The following MAPRE1 variants were observed in gnomAD, a reference collection of about 807,000 sequenced individuals.
MAPRE1 encodes the protein microtubule-associated protein RP/EB family member 1.
MAPRE1 carries 5 observed loss-of-function variants against 32.1 expected under a neutral mutation model. The observed-to-expected ratio is 0.16, with a 90% CI of 0.08 to 0.33. The LOEUF is 0.33. Among genes scored for constraint, MAPRE1 ranks in the 10% least tolerant of loss-of-function variants. MAPRE1 has a pLI of 1.00. For synonymous variants in MAPRE1, 122 were observed against 118.9 expected, an observed-to-expected ratio of 1.03 and a Z score of -0.17; for missense variants, 209 against 327.2, an observed-to-expected ratio of 0.64 and a Z score of 2.79.
chr20:32,836,355 T>C (rs1421219156), intron 3 of MAPRE1, among the ~76,000 whole-genome samples: 1 of 152,230 alleles, frequency 6.6e-6, no homozygotes, highest in Non-Finnish European at 1.5e-5. Flanking sequence ...ACGATGTGCT[T>C]GGATGGATGT....
chr20:32,819,911 C>A (rs1419281085), upstream of MAPRE1: 2 of 136,846 alleles, frequency 1.5e-5, no homozygotes, highest in Admixed American at 7.1e-5. Context: ...CGGCGCGTAA[C>A]GAGGGGGTGC....
At chr20:32,839,573 G>T (rs1054634019) in intron 4 of MAPRE1, among the ~76,000 whole-genome samples, 162 bp from the exon 5 acceptor site, 1 of 152,198 alleles carries the variant, frequency 6.6e-6, no homozygotes, top group Non-Finnish European at 1.5e-5. Context: ...GTAGGCAAAT[G>T]TGGGAGCGTT....
intron 6 of MAPRE1, among the ~76,000 whole-genome samples, chr20:32,848,090 G>A (rs1983553983): frequency 6.6e-6 from 1 of 151,940 alleles, no homozygotes; most frequent in African/African-American, 2.4e-5. Flanking sequence ...TATTGCCCAG[G>A]CTGGAGTGCC....
Position 32,848,213 on chromosome 20 carries a change from G to GT in MAPRE1, c.751-446dup, listed in dbSNP as rs796134951. ...AGGCATGTCCCACCAGGCTTGGCTA[G>GT]TTTTTTTTTTTTTCGAGACATTGTC... On this transcript the variant is annotated intron_variant, in intron 6 of 6. Transcript: ENST00000375571. 9.9e-3 allele frequency among the ~76,000 whole-genome samples: 1,428 copies of GT among 143,566 alleles called. 15 individuals are homozygous for GT. The highest frequency in any genetic ancestry group is 0.025 in the African/African-American group (985 of 39,522). The allele number at this position is 143,566 out of a possible 152,430, so 94.2% of individuals were successfully genotyped here.
intron 4 of MAPRE1, among the ~76,000 whole-genome samples, chr20:32,838,685 T>G (rs1983268122): frequency 6.6e-6 from 1 of 152,222 alleles, no homozygotes; most frequent in African/African-American, 2.4e-5. Context: ...AATGGGAAAC[T>G]ACATAGATAA....
At chr20:32,847,203 G>A (rs761022259) in intron 6 of MAPRE1, among the ~76,000 whole-genome samples, 1 of 152,312 alleles carries the variant, frequency 6.6e-6, no homozygotes. Flanking sequence ...TCATGTCTGG[G>A]TATGCCTTTC....
In MAPRE1 at chr20:32,846,764, C is replaced by T. The variant is rs1265637734; in HGVS notation, c.744C>T (p.Ala248=). 6.8e-6 allele frequency: 11 copies of T among 1,614,058 alleles called. No individual in the cohort carries two copies. The highest frequency in any genetic ancestry group is 1.3e-5 in the African/African-American group (1 of 75,032). The change falls in exon 6 of 7, where the codon GCC becomes GCT. Residue 248 remains alanine (A), a synonymous_variant. Coordinates refer to ENST00000375571, the MANE Select transcript of MAPRE1 (RefSeq NM_012325.3). ...VLQRIVDILY[A]TDEGFVIPDE... is the part of the protein sequence containing the mutation. ...AGAGGATTGTAGACATTCTGTATGC[C>T]ACAGATGTATGTGTTTGACATGAGG...
chr20:32,839,608 C>A, intron 4 of MAPRE1, 127 bp from the exon 5 acceptor site: 1 of 1,309,686 alleles, frequency 7.6e-7, no homozygotes, highest in Non-Finnish European at 1.1e-6. Context: ...GGCTCTCTAG[C>A]ATTGGTTCCC....
intron 1 of MAPRE1, among the ~76,000 whole-genome samples, chr20:32,822,553 C>T (rs995540511): frequency 1.3e-5 from 2 of 152,208 alleles, no homozygotes; most frequent in Admixed American, 6.5e-5. Context: ...CCCTACCCTA[C>T]ATCTTGTTTG....
At chr20:32,842,390 TA>T (rs1233739104) in intron 5 of MAPRE1, among the ~76,000 whole-genome samples, 3 of 152,178 alleles carry the variant, frequency 2.0e-5, no homozygotes, top group African/African-American at 7.2e-5. Context: ...CAGCCATAGC[TA>T]ACATTTTAAA....
rs1169734704 is a variant in MAPRE1, at chr20:32,848,791, A to G, written c.*63A>G. The G allele has an allele frequency of 1.4e-6, 2 of 1,432,660 alleles. No individual in the cohort carries two copies. Among genetic ancestry groups the G allele is most frequent in the East Asian group, 2.3e-5 (1 of 43,046 alleles). 88.7% of individuals were successfully genotyped at this position (1,432,660 alleles called of 1,614,324 possible). Reference sequence around the variant, plus strand: ...TCCAAATCATGTGCTTAACTGTAAAATACTCCCTTTTGTTATCCTTAGAGG... The same window carrying G: ...TCCAAATCATGTGCTTAACTGTAAAGTACTCCCTTTTGTTATCCTTAGAGG... On this transcript the variant is annotated 3_prime_UTR_variant, in exon 7 of 7. Transcript: ENST00000375571.
At chr20:32,835,541 C>G (rs1796471767) in intron 3 of MAPRE1, among the ~76,000 whole-genome samples, 1 of 151,802 alleles carries the variant, frequency 6.6e-6, no homozygotes, top group Non-Finnish European at 1.5e-5. Context: ...AAAAATTTAT[C>G]CTGAGACTGA....
intron 6 of MAPRE1, 70 bp downstream of exon 6, chr20:32,846,840 C>A: frequency 6.7e-7 from 1 of 1,496,000 alleles, no homozygotes; most frequent in Non-Finnish European, 9.3e-7. Context: ...TGTGCTGATG[C>A]TTGTTGTATT....
chr20:32,833,754 T>G lies in MAPRE1; in HGVS notation c.159T>G (p.Pro53=). ...GTCAGTTTATGGACATGCTGTTCCC[T>G]GGCTCCATTGCCTTGAAGAAAGTGA... ...AYCQFMDMLF[P]GSIALKKVKF... Residue 53 remains proline (P), a synonymous_variant, in exon 3 of 7, where the codon CCT becomes CCG. Coordinates refer to ENST00000375571, the MANE Select transcript of MAPRE1 (RefSeq NM_012325.3). 7 of 1,614,034 alleles carry G rather than the reference T, an allele frequency of 4.3e-6. No individual in the cohort carries two copies. The highest frequency in any genetic ancestry group is 5.9e-6 in the Non-Finnish European group (7 of 1,179,988).
chr20:32,820,705 A>G (rs1018385377), intron 1 of MAPRE1, among the ~76,000 whole-genome samples: 2 of 152,120 alleles, frequency 1.3e-5, no homozygotes, highest in African/African-American at 2.4e-5. Context: ...AGGAATCCAC[A>G]TTATGATGAG....
In MAPRE1 at chr20:32,846,801, C is replaced by A. The variant is rs149878687; in HGVS notation, c.750+31C>A. 84 of 1,609,484 alleles carry A rather than the reference C, an allele frequency of 5.2e-5. No individual in the cohort carries two copies. In the East Asian group the frequency reaches 1.9e-3, roughly 36 times the overall value. On this transcript the variant is annotated intron_variant, in intron 6 of 6. Coordinates refer to ENST00000375571, the MANE Select transcript of MAPRE1 (RefSeq NM_012325.3). ...TGTTTGACATGAGGATATTTTCTTT[C>A]CATTTTACATAGAAGGGTTGGTGAA... is the stretch of plus-strand genomic sequence containing the variant.
chr20:32,826,361 C>T (rs975902412), intron 2 of MAPRE1, among the ~76,000 whole-genome samples: 7 of 151,262 alleles, frequency 4.6e-5, no homozygotes, highest in Admixed American at 1.3e-4. Flanking sequence ...GGACTACAGG[C>T]GCCTGCCACC....
intron 2 of MAPRE1, 86 bp from the exon 3 acceptor site, chr20:32,833,631 A>G (rs1300467100): frequency 1.6e-6 from 2 of 1,282,542 alleles, no homozygotes; most frequent in East Asian, 4.7e-5. Context: ...TCACAATTTT[A>G]AAAATTGTAT....
intron 2 of MAPRE1, among the ~76,000 whole-genome samples, chr20:32,826,826 C>T (rs549328176): frequency 7.9e-4 from 120 of 152,026 alleles, no homozygotes; most frequent in Non-Finnish European, 1.6e-3. Context: ...TGGAACTATA[C>T]TTAAATAAAG....
Sources: gnomAD v4.1 joint callset for allele counts (sites outside exome capture counted in the v4.1 genomes callset) on GRCh38, gnomAD v4.1.1 for gene constraint, MANE v1.5 for transcripts, NCBI Gene and HGNC (gene_info 2026-07-23, HGNC 2026-07-21) for gene names.